DPP10: variants seen among roughly 807,000 people sequenced by gnomAD.
DPP10 encodes inactive dipeptidyl peptidase 10.
In DPP10, 33 loss-of-function variants were observed where a neutral mutation model predicts 120.9. The observed-to-expected ratio is 0.27, with a 90% CI of 0.21 to 0.37. The LOEUF is 0.37. Ranked by LOEUF, DPP10 falls within the 10% of genes least tolerant of loss-of-function variation. DPP10 has a pLI of 1.00. For missense variants in DPP10, 816 were observed against 942.8 expected, an observed-to-expected ratio of 0.87 and a Z score of 1.76; for synonymous variants, 337 against 326.1, an observed-to-expected ratio of 1.03 and a Z score of -0.36.
chr2:115,523,634 A>G (rs1297692534), intron 4 of DPP10, among the ~76,000 whole-genome samples: 2 of 152,080 alleles, frequency 1.3e-5, no homozygotes, highest in Non-Finnish European at 2.9e-5. Flanking sequence ...TTTCCTTAAA[A>G]ACAATACACC....
At chr2:115,473,877 C>T (rs2074898312) in intron 3 of DPP10, among the ~76,000 whole-genome samples, 1 of 151,932 alleles carries the variant, frequency 6.6e-6, no homozygotes, top group Non-Finnish European at 1.5e-5. Flanking sequence ...TTGTTGACTC[C>T]CTCATAAAGC....
chr2:115,120,288 A>G (rs957128857), intron 1 of DPP10, among the ~76,000 whole-genome samples: 2 of 152,204 alleles, frequency 1.3e-5, no homozygotes, highest in African/African-American at 4.8e-5. Context: ...AGACCTCCTC[A>G]TCCTGGGAAG....
At chr2:114,502,054 G>C (rs539671607) in intron 1 of DPP10, among the ~76,000 whole-genome samples, 16 of 149,994 alleles carry the variant, frequency 1.1e-4, no homozygotes, top group Admixed American at 1.0e-3. Context: ...TCCTGCTTTA[G>C]CCTCCCGAGT....
intron 1 of DPP10, among the ~76,000 whole-genome samples, chr2:114,974,384 T>C (rs1396442485): frequency 1.3e-5 from 2 of 151,960 alleles, no homozygotes; most frequent in African/African-American, 2.4e-5. Context: ...TTATTCCATG[T>C]AGTCTTGGGA....
chr2:115,434,851 C>G (rs1409968406), intron 3 of DPP10, among the ~76,000 whole-genome samples: 1 of 151,764 alleles, frequency 6.6e-6, no homozygotes, highest in Non-Finnish European at 1.5e-5. Flanking sequence ...CCTTCCCAGC[C>G]TCTGATAACC....
chr2:115,601,127 A>G (rs2083295056), intron 5 of DPP10, among the ~76,000 whole-genome samples: 1 of 152,210 alleles, frequency 6.6e-6, no homozygotes, highest in Non-Finnish European at 1.5e-5. Context: ...TTAAAAGAGA[A>G]ATGTCATTCA....
intron 1 of DPP10, among the ~76,000 whole-genome samples, chr2:115,022,045 C>G (rs1475539925): frequency 6.6e-6 from 1 of 152,054 alleles, no homozygotes; most frequent in Non-Finnish European, 1.5e-5. Context: ...ATGACAAACC[C>G]ACAGCCAACA....
intron 12 of DPP10, among the ~76,000 whole-genome samples, chr2:115,766,310 G>GTGTGTGTGTGTGTA (rs1371625141): frequency 9.8e-5 from 8 of 81,742 alleles, no homozygotes; most frequent in Admixed American, 6.7e-4. Context: ...GTGTGTGTGT[G>GTGTGTGTGTGTGTA]TATATATATA....
chr2:115,277,449 T>A (rs1482368286), intron 1 of DPP10, among the ~76,000 whole-genome samples: 1 of 6,756 alleles, frequency 1.5e-4, no homozygotes, highest in Non-Finnish European at 5.2e-4. Context: ...GCCAGGGCCT[T>A]TTTTTTTTTT....
chr2:114,910,325 A>G (rs1694276386), intron 1 of DPP10, among the ~76,000 whole-genome samples: 1 of 151,964 alleles, frequency 6.6e-6, no homozygotes, highest in Admixed American at 6.6e-5. Context: ...AGCCCTAGGC[A>G]TTGTACCTAA....
intron 1 of DPP10, among the ~76,000 whole-genome samples, chr2:114,917,760 A>T (rs897987310): frequency 3.9e-5 from 6 of 152,112 alleles, no homozygotes; most frequent in Non-Finnish European, 8.8e-5. Context: ...CCACATGCAG[A>T]AGACTGAAAC....
intron 1 of DPP10, among the ~76,000 whole-genome samples, chr2:115,284,860 C>A (rs1574291907): frequency 6.6e-6 from 1 of 152,054 alleles, no homozygotes; most frequent in African/African-American, 2.4e-5. Context: ...ATTCTTCTTT[C>A]CCTTAGAACT....
intron 1 of DPP10, among the ~76,000 whole-genome samples, chr2:115,271,858 A>G (rs1357368279): frequency 2.6e-5 from 4 of 152,200 alleles, no homozygotes; most frequent in Admixed American, 2.0e-4. Flanking sequence ...TAACTGAGAA[A>G]GATGAAATTG....
chr2:114,901,707 G>A (rs767045680), intron 1 of DPP10, among the ~76,000 whole-genome samples: 10 of 152,194 alleles, frequency 6.6e-5, no homozygotes, highest in Non-Finnish European at 1.3e-4. Context: ...AATTAAAATT[G>A]AATGTGCAAA....
intron 3 of DPP10, among the ~76,000 whole-genome samples, chr2:115,495,705 T>C (rs1006509589): frequency 2.6e-5 from 4 of 152,132 alleles, no homozygotes; most frequent in African/African-American, 9.7e-5. Flanking sequence ...TAATGATAGT[T>C]AGGGTTACTG....
At chr2:114,755,955 A>AC (rs1679700387) in intron 1 of DPP10, among the ~76,000 whole-genome samples, 1 of 151,690 alleles carries the variant, frequency 6.6e-6, no homozygotes, top group South Asian at 2.1e-4. Flanking sequence ...AGAAATTAAA[A>AC]AAAAAAAAAA....
At chr2:115,306,032 T>C (rs935410852) in intron 1 of DPP10, among the ~76,000 whole-genome samples, 3 of 151,980 alleles carry the variant, frequency 2.0e-5, no homozygotes, top group Non-Finnish European at 1.5e-5. Flanking sequence ...TTATGAGTTA[T>C]TTTATTTTAA....
intron 1 of DPP10, among the ~76,000 whole-genome samples, chr2:115,107,422 C>CT (rs59046305): frequency 0.23 from 13,721 of 59,718 alleles, 4,275 homozygotes; most frequent in Non-Finnish European, 0.29. Context: ...TTGGTTATAG[C>CT]TTTTTTTTTT....
chr2:114,632,329 C>T (rs1694983368), intron 1 of DPP10, among the ~76,000 whole-genome samples: 1 of 151,844 alleles, frequency 6.6e-6, no homozygotes, highest in South Asian at 2.1e-4. Flanking sequence ...GGTTTTAGCA[C>T]TCATTAATGA....
Sources: allele counts gnomAD v4.1 joint callset (sites outside exome capture counted in the v4.1 genomes callset), GRCh38; gene constraint gnomAD v4.1.1; transcripts MANE v1.5; gene names NCBI Gene and HGNC (gene_info 2026-07-23, HGNC 2026-07-21).